Variants in RNASEH1 observed in about 807,000 individuals in gnomAD.
The protein encoded by RNASEH1 is ribonuclease H type II.
In RNASEH1, 27 loss-of-function variants were observed where a neutral mutation model predicts 34.6. The ratio of observed to expected loss-of-function variants is 0.78; its 90% CI spans 0.58 to 1.08. The LOEUF is 1.08. Among genes scored for constraint, RNASEH1 ranks in the 50% least tolerant of loss-of-function variants. The pLI is 0.00. For missense variants in RNASEH1, 349 were observed against 373.6 expected (o/e 0.93, Z 0.54); for synonymous variants, 162 against 138.4 (o/e 1.17, Z -1.20).
chr2:3,550,319 CT>C, intron 4 of RNASEH1, 53 bp downstream of exon 4: 1 of 1,409,824 alleles, frequency 7.1e-7, no homozygotes, highest in Non-Finnish European at 1.0e-6. Context: ...CCCGCCTCAT[CT>C]TTTCACAAGT....
downstream of RNASEH1, chr2:3,536,907 T>C (rs1572261332): frequency 6.6e-6 from 1 of 151,894 alleles, no homozygotes; most frequent in Non-Finnish European, 1.5e-5. Context: ...CCCGGGAGAG[T>C]GCCCCTGCAG....
In RNASEH1 at chr2:3,542,017, G is replaced by A. The variant is rs921879560; in HGVS notation, c.*3768C>T. 2.6e-5 allele frequency among the ~76,000 whole-genome samples: 4 copies of A among 152,056 alleles called. No homozygotes were observed. Among genetic ancestry groups the A allele is most frequent in the African/African-American group, 9.7e-5 (4 of 41,386 alleles). ...TAAATAACAAAACAAAACAAAAGTG[G>A]TACAATAACAACTTTTAAAACTCAA... On this transcript the variant is annotated 3_prime_UTR_variant, in exon 8 of 8. Coordinates refer to ENST00000315212, the MANE Select transcript of RNASEH1 (RefSeq NM_002936.6).
chr2:3,532,309 T>C, the RNASEH1 span: 6 of 702,346 alleles, frequency 8.5e-6, no homozygotes, highest in South Asian at 7.4e-5. Context: ...TTTATAATGA[T>C]GCTGTGGGAA....
At chr2:3,554,135 G>A (rs890174600) in intron 2 of RNASEH1, among the ~76,000 whole-genome samples, 1 of 152,192 alleles carries the variant, frequency 6.6e-6, no homozygotes, top group East Asian at 1.9e-4. Flanking sequence ...CCCTAAGGGC[G>A]CCGGGCAACA....
chr2:3,548,627 T>C lies in RNASEH1; in HGVS notation c.649+13A>G, dbSNP rs75789502. 31,678 of 1,536,664 alleles carry C rather than the reference T, an allele frequency of 0.021. 533 individuals are homozygous for C. The highest frequency in any genetic ancestry group is 0.059 in the South Asian group (5,211 of 88,576). On this transcript the variant is annotated intron_variant, in intron 6 of 7. Transcript: ENST00000315212. ...TACTGGAAAAACAGAAGAAATCAAA[T>C]GTGAAAGCTTACCATTTATCGTAAA... is the stretch of plus-strand genomic sequence containing the variant.
the RNASEH1 span, among the ~76,000 whole-genome samples, chr2:3,535,428 T>TAA: frequency 8.3e-4 from 95 of 114,598 alleles, no homozygotes; most frequent in Middle Eastern, 4.8e-3. Flanking sequence ...CTATCCTGTC[T>TAA]AAAAAAAAAA....
At chr2:3,556,953 C>A (rs748283375) in intron 1 of RNASEH1, 49 bp from the exon 2 acceptor site, 1 of 1,362,072 alleles carries the variant, frequency 7.3e-7, no homozygotes. Context: ...CTAACTTATC[C>A]CCTTTTTTAT....
In RNASEH1 at chr2:3,545,231, G is replaced by C. The variant is rs1668639966; in HGVS notation, c.*554C>G. The C allele has an allele frequency of 6.5e-6, 1 of 154,692 alleles. No homozygotes were observed. Among genetic ancestry groups the C allele is most frequent in the Non-Finnish European group, 1.4e-5 (1 of 69,710 alleles). The allele number at this position is 154,692 out of a possible 1,614,324, so 9.6% of individuals were successfully genotyped here. A position where few individuals can be genotyped will look rare whatever the true frequency, so the allele number is the denominator to read the frequency against. On this transcript the variant is annotated 3_prime_UTR_variant, in exon 8 of 8. Transcript: ENST00000315212. Reference sequence around the variant, plus strand: ...GCCAGGGTCGCCGCAGGCAGGCTTTGCCCTATACTAACTGCCCAGCAAGCA... The same window carrying C: ...GCCAGGGTCGCCGCAGGCAGGCTTTCCCCTATACTAACTGCCCAGCAAGCA...
Position 3,545,742 on chromosome 2 carries a change from C to A in RNASEH1, c.*43G>T, listed in dbSNP as rs1476298781. On this transcript the variant is annotated 3_prime_UTR_variant, in exon 8 of 8. Coordinates refer to ENST00000315212, the MANE Select transcript of RNASEH1 (RefSeq NM_002936.6). The stretch of plus-strand genomic sequence containing the variant: ...ACACCAGTAAGTACAGGCAGCAAGA[C>A]AGCCGCTGGCTCAAGTTCTCCCAAG... 7.2e-7 allele frequency: 1 copy of A among 1,379,648 alleles called. No homozygotes were observed. The allele number at this position is 1,379,648 out of a possible 1,614,324, so 85.5% of individuals were successfully genotyped here. A position where few individuals can be genotyped will look rare whatever the true frequency, so the allele number is the denominator to read the frequency against.
At chr2:3,536,039 G>A in the RNASEH1 span, among the ~76,000 whole-genome samples, 2 of 152,220 alleles carry the variant, frequency 1.3e-5, no homozygotes, top group South Asian at 4.1e-4. Context: ...ACTGCCCCAA[G>A]ACAGGGCGGT....
At chr2:3,549,950 A>C (rs1033064344) in intron 4 of RNASEH1, among the ~76,000 whole-genome samples, 1 of 120,480 alleles carries the variant, frequency 8.3e-6, no homozygotes, top group Non-Finnish European at 2.0e-5. Flanking sequence ...CGTCTCAGGA[A>C]AAAAAAAAAA....
Position 3,547,911 on chromosome 2 carries a change from T to C in RNASEH1, c.774+20A>G, listed in dbSNP as rs1668909535. On this transcript the variant is annotated intron_variant, in intron 7 of 7. Transcript: ENST00000315212. ...ATTTGGTCATAATGGCCATAGGACA[T>C]GAACATTTAAGATACTCACCCACTG... 1 of 1,613,070 alleles carries C rather than the reference T, an allele frequency of 6.2e-7. No individual in the cohort carries two copies. The highest frequency in any genetic ancestry group is 1.3e-5 in the African/African-American group (1 of 74,910).
chr2:3,555,466 CTGAG>C (rs762704012), intron 2 of RNASEH1, among the ~76,000 whole-genome samples: 1 of 152,180 alleles, frequency 6.6e-6, no homozygotes, highest in Non-Finnish European at 1.5e-5. Flanking sequence ...AGCAGATGCA[CTGAG>C]TGAGGGTCGA....
chr2:3,548,524 G>A (rs1668973659), intron 6 of RNASEH1, 116 bp downstream of exon 6: 1 of 667,604 alleles, frequency 1.5e-6, no homozygotes, highest in Non-Finnish European at 2.6e-6. Context: ...CTCGGTACCT[G>A]ACAAACCAAT....
intron 3 of RNASEH1, among the ~76,000 whole-genome samples, chr2:3,551,581 C>G (rs1187568345): frequency 2.6e-5 from 4 of 152,182 alleles, no homozygotes; most frequent in Admixed American, 2.0e-4. Flanking sequence ...AAATTAGAAC[C>G]TATAAATATA....
chr2:3,533,973 C>G, the RNASEH1 span: 1 of 152,254 alleles, frequency 6.6e-6, no homozygotes, highest in East Asian at 1.9e-4. Flanking sequence ...AAGTCCACGA[C>G]CTTTTAGCCA....
the RNASEH1 span, among the ~76,000 whole-genome samples, chr2:3,534,629 T>C: frequency 2.6e-5 from 4 of 152,234 alleles, no homozygotes; most frequent in Non-Finnish European, 5.9e-5. Context: ...GCGGATCCTG[T>C]GGCAAGCGTG....
rs148132213 is a variant in RNASEH1, at chr2:3,557,912, G to A, written c.128+221C>T. 1.1e-3 allele frequency: 1,736 copies of A among 1,522,504 alleles called. 12 individuals are homozygous for A. The African/African-American group carries it at 0.019, about 17-fold the overall frequency. 94.3% of individuals were successfully genotyped at this position (1,522,504 alleles called of 1,614,324 possible). A position where few individuals can be genotyped will look rare whatever the true frequency, so the allele number is the denominator to read the frequency against. On this transcript the variant is annotated intron_variant, in intron 1 of 7. Coordinates refer to ENST00000315212, the MANE Select transcript of RNASEH1 (RefSeq NM_002936.6). ...CCCCTAACCTTTACGCGACGTTTCTGATATTTCAAACAAGTCTTCGGTGCG... is the reference window on the plus strand; with the variant it reads ...CCCCTAACCTTTACGCGACGTTTCTAATATTTCAAACAAGTCTTCGGTGCG...
rs200495929 is a variant in RNASEH1 at position 3,550,370 on chromosome 2, T to C, written c.509+3A>G. ...CAGTAAAACTCAGCTTCGTTTAACT[T>C]ACAAAGGATGGCCTGGCCCCCAGTA... On this transcript the variant is annotated splice_donor_region_variant and intron_variant, in intron 4 of 7. Transcript: ENST00000315212. The C allele has an allele frequency of 1.6e-3, 2,536 of 1,610,386 alleles. 5 individuals are homozygous for C. The highest frequency in any genetic ancestry group is 2.0e-3 in the Non-Finnish European group (2,380 of 1,176,642).
Sources: gnomAD v4.1 joint callset for allele counts (sites outside exome capture counted in the v4.1 genomes callset) on GRCh38, gnomAD v4.1.1 for gene constraint, MANE v1.5 for transcripts, NCBI Gene and HGNC (gene_info 2026-07-23, HGNC 2026-07-21) for gene names.